Variants in ALPK1 observed in about 807,000 individuals in gnomAD.
ALPK1 encodes the protein alpha kinase 1, also known as alpha-protein kinase 1.
In ALPK1, 110 loss-of-function variants were observed where a neutral mutation model predicts 120.6. The observed-to-expected ratio is 0.91, with a 90% CI of 0.78 to 1.07. ALPK1 has a LOEUF of 1.07. Ranked by LOEUF, ALPK1 falls within the 50% of genes least tolerant of loss-of-function variation. The pLI, the probability that ALPK1 is intolerant of heterozygous loss-of-function variation, is 0.00. For synonymous variants in ALPK1, 582 were observed against 560.3 expected, an observed-to-expected ratio of 1.04 and a Z score of -0.55; for missense variants, 1,498 against 1,483.9, an observed-to-expected ratio of 1.01 and a Z score of -0.16.
chr4:112,415,107 C>T (rs1185267074), intron 5 of ALPK1: 1 of 152,188 alleles, frequency 6.6e-6, no homozygotes, highest in Non-Finnish European at 1.5e-5. Flanking sequence ...AAAAAACTCT[C>T]ATCTAAAATA....
intron 2 of ALPK1, among the ~76,000 whole-genome samples, chr4:112,336,828 C>G (rs929001447): frequency 6.6e-6 from 1 of 152,026 alleles, no homozygotes; most frequent in East Asian, 1.9e-4. Context: ...TACACATTTC[C>G]AAAGAATTTG....
In ALPK1 at chr4:112,436,250, A is replaced by C. The variant is rs192869222; in HGVS notation, c.3188+949A>C. 2.8e-3 allele frequency among the ~76,000 whole-genome samples: 430 copies of C among 152,140 alleles called. 2 individuals are homozygous for C. Among genetic ancestry groups the C allele is most frequent in the African/African-American group, 1.0e-2 (413 of 41,466 alleles). ...TGCCAGGTCCTGTTTTAAATGATTT[A>C]TATGCTAATTCAATTAATCTTCACA... On this transcript the variant is annotated intron_variant, in intron 12 of 15. Coordinates refer to ENST00000650871, the MANE Select transcript of ALPK1 (RefSeq NM_025144.4).
intron 5 of ALPK1, among the ~76,000 whole-genome samples, chr4:112,416,888 A>C (rs1349205814): frequency 2.0e-5 from 3 of 151,976 alleles, no homozygotes; most frequent in Non-Finnish European, 4.4e-5. Flanking sequence ...AAAAAAAAAA[A>C]AAAAACTTTT....
At chr4:112,339,694 G>A (rs1009302921) in intron 2 of ALPK1, among the ~76,000 whole-genome samples, 1 of 152,020 alleles carries the variant, frequency 6.6e-6, no homozygotes, top group Admixed American at 6.6e-5. Context: ...ATCATCTATT[G>A]GCAGCTCAGT....
At chr4:112,340,103 A>G (rs1578479121) in intron 2 of ALPK1, among the ~76,000 whole-genome samples, 1 of 152,346 alleles carries the variant, frequency 6.6e-6, no homozygotes, top group African/African-American at 2.4e-5. Flanking sequence ...GTATGGACAG[A>G]CACACAAGAG....
At chr4:112,425,572 T>C in intron 6 of ALPK1, 93 bp from the exon 7 acceptor site, 2 of 1,002,828 alleles carry the variant, frequency 2.0e-6, no homozygotes, top group Non-Finnish European at 3.1e-6. Context: ...CAAAATGATG[T>C]CACATGTGCT....
chr4:112,393,174 T>A (rs1732499712), intron 4 of ALPK1, among the ~76,000 whole-genome samples: 1 of 152,244 alleles, frequency 6.6e-6, no homozygotes, highest in African/African-American at 2.4e-5. Flanking sequence ...AGAGAAGCCA[T>A]GTGGTCACAT....
chr4:112,307,256 G>A (rs1191726241), intron 1 of ALPK1, among the ~76,000 whole-genome samples: 2 of 151,434 alleles, frequency 1.3e-5, no homozygotes, highest in Non-Finnish European at 2.9e-5. Flanking sequence ...TTGTGTAGAT[G>A]TCTATTAGGT....
intron 4 of ALPK1, among the ~76,000 whole-genome samples, chr4:112,398,465 TA>T (rs35742472): frequency 1.3e-5 from 2 of 152,058 alleles, no homozygotes; most frequent in African/African-American, 4.8e-5. Flanking sequence ...GCTAATTTTT[TA>T]AAAAAATATT....
intron 2 of ALPK1, among the ~76,000 whole-genome samples, chr4:112,329,942 G>A (rs937705466): frequency 6.6e-6 from 1 of 152,220 alleles, no homozygotes; most frequent in African/African-American, 2.4e-5. Flanking sequence ...CACTAAAGGC[G>A]CAGTTTATTT....
At chr4:112,408,128 G>A (rs1396286517) in intron 4 of ALPK1, among the ~76,000 whole-genome samples, 1 of 151,332 alleles carries the variant, frequency 6.6e-6, no homozygotes, top group African/African-American at 2.4e-5. Flanking sequence ...AAAAAAAAAT[G>A]GAGAGCAGAA....
chr4:112,349,425 G>C (rs1730233646), intron 2 of ALPK1, among the ~76,000 whole-genome samples: 1 of 152,054 alleles, frequency 6.6e-6, no homozygotes. Flanking sequence ...TTTATTGATA[G>C]CAATAATTGA....
At chr4:112,354,959 C>T (rs978614377) in intron 2 of ALPK1, among the ~76,000 whole-genome samples, 5 of 152,158 alleles carry the variant, frequency 3.3e-5, no homozygotes, top group African/African-American at 1.2e-4. Context: ...CAAAGACACA[C>T]AGACACAAAC....
At chr4:112,307,680 A>T (rs150527235) in intron 1 of ALPK1, among the ~76,000 whole-genome samples, 9,208 of 152,124 alleles carry the variant, frequency 0.061, 610 homozygotes, top group Admixed American at 0.2. Flanking sequence ...CAGCACACTG[A>T]TGGGTCTTGA....
rs906083010 is a variant in ALPK1, at chr4:112,378,014, C to T, written c.121+116C>T. 5.0e-6 allele frequency: 6 copies of T among 1,201,498 alleles called. No homozygotes were observed. In the African/African-American group the frequency reaches 7.7e-5, roughly 15 times the overall value. 74.4% of individuals were successfully genotyped at this position (1,201,498 alleles called of 1,614,324 possible). On this transcript the variant is annotated intron_variant, in intron 3 of 15. Coordinates refer to ENST00000650871, the MANE Select transcript of ALPK1 (RefSeq NM_025144.4). ...TTTTCTTCTCTTGGCAGATGACCAC[C>T]GAGAGATGAGTGGATTTCTAGGGCA... is the stretch of plus-strand genomic sequence containing the variant.
intron 2 of ALPK1, among the ~76,000 whole-genome samples, chr4:112,324,482 TG>T (rs1156448875): frequency 6.6e-6 from 1 of 152,288 alleles, no homozygotes; most frequent in East Asian, 1.9e-4. Flanking sequence ...TGTTTTGTTT[TG>T]TTTTTGTTTT....
rs928436331 is a variant in ALPK1, at chr4:112,411,804, G to T, written c.277-23G>T. The stretch of plus-strand genomic sequence containing the variant: ...CTGCCAGCGTTTCCGCCTGGCTCAC[G>T]ATGTTCCACGCTGTTCCTCCAGGCG... On this transcript the variant is annotated intron_variant, in intron 4 of 15. Transcript: ENST00000650871. 9 of 1,593,656 alleles carry T rather than the reference G, an allele frequency of 5.6e-6. No individual in the cohort carries two copies. The African/African-American group carries it at 1.1e-4, about 19-fold the overall frequency.
intron 2 of ALPK1, among the ~76,000 whole-genome samples, chr4:112,339,543 ATAATT>A (rs1282968836): frequency 6.6e-6 from 1 of 152,262 alleles, no homozygotes; most frequent in Non-Finnish European, 1.5e-5. Context: ...TTTTAAAAAA[ATAATT>A]TAAACATTAT....
chr4:112,399,412 T>G (rs1732808673), intron 4 of ALPK1, among the ~76,000 whole-genome samples: 1 of 152,122 alleles, frequency 6.6e-6, no homozygotes, highest in African/African-American at 2.4e-5. Flanking sequence ...TTGAAAAGAA[T>G]AGGTACAGTG....
Sources: gnomAD v4.1 joint callset for allele counts (sites outside exome capture counted in the v4.1 genomes callset) on GRCh38, gnomAD v4.1.1 for gene constraint, MANE v1.5 for transcripts, NCBI Gene and HGNC (gene_info 2026-07-23, HGNC 2026-07-21) for gene names.